NAPA: variants seen among roughly 807,000 people sequenced by gnomAD.
The protein encoded by NAPA is alpha-soluble NSF attachment protein.
In NAPA, 18 loss-of-function variants were observed where a neutral mutation model predicts 48.0. The ratio of observed to expected loss-of-function variants is 0.38; its 90% CI spans 0.26 to 0.56. NAPA has a LOEUF of 0.56. Among genes scored for constraint, NAPA ranks in the 20% least tolerant of loss-of-function variants. The pLI is 0.77. For synonymous variants in NAPA, 152 were observed against 149.9 expected (o/e 1.01, Z -0.10); for missense variants, 315 against 385.0 (o/e 0.82, Z 1.52).
intron 1 of NAPA, among the ~76,000 whole-genome samples, chr19:47,507,513 A>G (rs1019382417): frequency 6.6e-6 from 1 of 152,010 alleles, no homozygotes; most frequent in Non-Finnish European, 1.5e-5. Flanking sequence ...TCAGGCCCCC[A>G]TTTCGGGTCC....
intron 9 of NAPA, 83 bp from the exon 10 acceptor site, chr19:47,489,844 G>A: frequency 6.9e-7 from 1 of 1,454,480 alleles, no homozygotes; most frequent in Non-Finnish European, 9.5e-7. Context: ...CACGCTATCT[G>A]TATGCCAGGC....
chr19:47,499,129 A>G (rs114587975), intron 3 of NAPA, among the ~76,000 whole-genome samples: 2,261 of 152,322 alleles, frequency 0.015, 40 homozygotes, highest in Middle Eastern at 0.054. Context: ...CACACCCTGC[A>G]GAGTCTCGCT....
intron 7 of NAPA, chr19:47,492,483 C>T: frequency 7.6e-6 from 3 of 392,916 alleles, no homozygotes; most frequent in South Asian, 6.8e-5. Context: ...AGAGGCGGCG[C>T]CCGCCCCTCT....
intron 2 of NAPA, among the ~76,000 whole-genome samples, chr19:47,502,689 T>C (rs972604725): frequency 1.3e-5 from 2 of 152,340 alleles, no homozygotes; most frequent in East Asian, 3.9e-4. Context: ...TATGATGAAA[T>C]GAGCCTCGAA....
At chr19:47,513,529 G>C (rs1175106167) in intron 1 of NAPA, among the ~76,000 whole-genome samples, 1 of 152,304 alleles carries the variant, frequency 6.6e-6, no homozygotes, top group South Asian at 2.1e-4. Context: ...TGGGCTCTTG[G>C]CACTTCTAAG....
intron 1 of NAPA, among the ~76,000 whole-genome samples, chr19:47,504,180 G>C (rs941423371): frequency 1.3e-5 from 2 of 152,052 alleles, no homozygotes; most frequent in Admixed American, 1.3e-4. Context: ...GATTGCTTGA[G>C]CTCAAGAGTT....
At chr19:47,502,632 G>A (rs954227687) in intron 2 of NAPA, among the ~76,000 whole-genome samples, 4 of 152,090 alleles carry the variant, frequency 2.6e-5, no homozygotes, top group African/African-American at 9.7e-5. Context: ...CAAACACTGG[G>A]TCTCTTGCCG....
At chr19:47,503,302 T>C in intron 2 of NAPA, 121 bp downstream of exon 2, 1 of 885,476 alleles carries the variant, frequency 1.1e-6, no homozygotes, top group South Asian at 1.4e-5. Flanking sequence ...GGCTTTCCGA[T>C]GCCGGAGAGG....
At chr19:47,490,646 C>CA (rs1555757087) in intron 9 of NAPA, 142 bp downstream of exon 9, 57 of 524,130 alleles carry the variant, frequency 1.1e-4, no homozygotes, top group East Asian at 3.4e-4. Context: ...CTCAAATGGC[C>CA]AAACAAAACA....
chr19:47,490,375 AGT>A (rs778904048), intron 9 of NAPA, among the ~76,000 whole-genome samples: 20 of 98,440 alleles, frequency 2.0e-4, no homozygotes, highest in African/African-American at 2.9e-4. Context: ...GTGTGTGTGT[AGT>A]GTGTGTGGGG....
downstream of NAPA, among the ~76,000 whole-genome samples, chr19:47,486,658 TTAGGTCATGGATGA>T (rs1968086676): frequency 6.6e-6 from 1 of 152,178 alleles, no homozygotes; most frequent in Non-Finnish European, 1.5e-5. Flanking sequence ...CATCACTGAT[TTAGGTCATGGATGA>T]CAGAAACAGA....
In NAPA at chr19:47,492,228, T is replaced by A. The variant is rs1968289492; in HGVS notation, c.562-109A>T. 4 of 946,242 alleles carry A rather than the reference T, an allele frequency of 4.2e-6. No individual in the cohort carries two copies. The East Asian group carries it at 1.0e-4, about 24-fold the overall frequency. 58.6% of individuals were successfully genotyped at this position (946,242 alleles called of 1,614,324 possible). On this transcript the variant is annotated intron_variant, in intron 7 of 10. Transcript: ENST00000263354. ...CTGGGAGCTGGTTCATGTCCCGAGG[T>A]GAGGCCCTGTTAACCCAGGACCCCA...
At position 47,506,649 on chromosome 19, in the gene NAPA, T is replaced by C. The variant is rs540112612; in HGVS notation, c.99-3147A>G. 3.9e-5 allele frequency among the ~76,000 whole-genome samples: 6 copies of C among 152,342 alleles called. No homozygotes were observed. In the East Asian group the frequency reaches 1.2e-3, roughly 29 times the overall value. ...AGCAGAGTCAGCCCAGCCGGGTTTA[T>C]TTCAGGACGGACACAAAGCCTACCA... On this transcript the variant is annotated intron_variant, in intron 1 of 10. Coordinates refer to ENST00000263354, the MANE Select transcript of NAPA (RefSeq NM_003827.4). The surrounding 1 kb of genome is among the most constrained non-coding windows in gnomAD (Gnocchi z 4.0).
At chr19:47,492,883 C>T (rs1221319621) in intron 7 of NAPA, 78 bp downstream of exon 7, 1 of 1,417,040 alleles carries the variant, frequency 7.1e-7, no homozygotes, top group Non-Finnish European at 1.0e-6. Context: ...GGTTCCAGAA[C>T]AAGGTGCCGG....
chr19:47,509,131 C>G (rs781745005), intron 1 of NAPA, among the ~76,000 whole-genome samples: 1 of 151,852 alleles, frequency 6.6e-6, no homozygotes, highest in Non-Finnish European at 1.5e-5. Context: ...TGGGAGGAGT[C>G]TTTGTGAGGA....
At chr19:47,486,292 T>C (rs922003609), downstream of NAPA, among the ~76,000 whole-genome samples, 1 of 151,854 alleles carries the variant, frequency 6.6e-6, no homozygotes, top group Admixed American at 6.6e-5. Flanking sequence ...GAGGCAGAGG[T>C]TGCAGTGAAC....
rs1599908795 is a variant in NAPA, at chr19:47,500,813, G to C, written c.179-64C>G. ...GCTCCACACTTTATGAAGCCACAGA[G>C]ACACTGCCCTGGGAGGTGGGTCGGG... On this transcript the variant is annotated intron_variant, in intron 2 of 10. Coordinates refer to ENST00000263354, the MANE Select transcript of NAPA (RefSeq NM_003827.4). 1.7e-5 allele frequency: 22 copies of C among 1,292,114 alleles called. No individual in the cohort carries two copies. The South Asian group carries it at 3.0e-4, about 17-fold the overall frequency. 80.0% of individuals were successfully genotyped at this position (1,292,114 alleles called of 1,614,324 possible). A position where few individuals can be genotyped will look rare whatever the true frequency, so the allele number is the denominator to read the frequency against.
chr19:47,500,194 T>G (rs951589385), intron 3 of NAPA, among the ~76,000 whole-genome samples: 4 of 152,208 alleles, frequency 2.6e-5, no homozygotes, highest in African/African-American at 9.7e-5. Flanking sequence ...GGAAGCCAGG[T>G]TGGGCTAATT....
chr19:47,514,970 C>G lies in NAPA; in HGVS notation c.-30G>C. ...GCCACAAAGGGACTCAGCAAAGCGC[C>G]TGACCCTGACCCTGGGAAGACTCAG... On this transcript the variant is annotated 5_prime_UTR_variant, in exon 1 of 11. Coordinates refer to ENST00000263354, the MANE Select transcript of NAPA (RefSeq NM_003827.4). 1 of 1,602,456 alleles carries G rather than the reference C, an allele frequency of 6.2e-7. No individual in the cohort carries two copies. Among genetic ancestry groups the G allele is most frequent in the Non-Finnish European group, 8.5e-7 (1 of 1,171,520 alleles).
Sources: gnomAD v4.1 joint callset for allele counts (sites outside exome capture counted in the v4.1 genomes callset) on GRCh38, gnomAD v4.1.1 for gene constraint, Gnocchi (gnomAD v3.1) non-coding constraint, MANE v1.5 for transcripts, NCBI Gene and HGNC (gene_info 2026-07-23, HGNC 2026-07-21) for gene names.